The following TSNARE1 variants were observed in gnomAD, a reference collection of about 807,000 sequenced individuals.
TSNARE1 encodes t-SNARE domain containing 1, also known as t-SNARE domain-containing protein 1.
In TSNARE1, 49 loss-of-function variants were observed where a neutral mutation model predicts 62.0. The ratio of observed to expected loss-of-function variants is 0.79; its 90% CI spans 0.63 to 1.00. The LOEUF (loss-of-function observed/expected upper bound fraction) is 1.00. TSNARE1 is among the 50% of genes least tolerant of loss of function. The probability of loss-of-function intolerance (pLI) is 0.00; values close to 1 mark genes in which losing one functional copy is unlikely to be tolerated. For synonymous variants in TSNARE1, 328 were observed against 294.4 expected (o/e 1.11, Z -1.17); for missense variants, 755 against 700.1 (o/e 1.08, Z -0.88).
chr8:142,256,073 TCACCACCAC>T (rs753492642), intron 12 of TSNARE1, among the ~76,000 whole-genome samples: 22 of 54,654 alleles, frequency 4.0e-4, no homozygotes, highest in Non-Finnish European at 6.6e-4. Context: ...ACCATCACCA[TCACCACCAC>T]CACCACCACT....
intron 6 of TSNARE1, among the ~76,000 whole-genome samples, chr8:142,324,775 C>A (rs1292285406): frequency 6.6e-6 from 1 of 152,216 alleles, no homozygotes; most frequent in African/African-American, 2.4e-5. Context: ...AGCCTCCATG[C>A]CAGCTTCCAG....
At chr8:142,254,458 T>C (rs73716179) in intron 12 of TSNARE1, among the ~76,000 whole-genome samples, 1,701 of 152,272 alleles carry the variant, frequency 0.011, 28 homozygotes, top group African/African-American at 0.039. Context: ...CTTCCTGAGT[T>C]CCCAGAAAGC....
chr8:142,377,316 T>C (rs998495342), intron 1 of TSNARE1, among the ~76,000 whole-genome samples: 4 of 151,684 alleles, frequency 2.6e-5, no homozygotes, highest in Non-Finnish European at 5.9e-5. Flanking sequence ...AAAGCAACGT[T>C]ATCCACACAC....
At chr8:142,361,154 C>T (rs1358416592) in intron 1 of TSNARE1, among the ~76,000 whole-genome samples, 1 of 152,266 alleles carries the variant, frequency 6.6e-6, no homozygotes, top group Non-Finnish European at 1.5e-5. Context: ...CCTCCCTCAC[C>T]TTCGGGCACG....
At chr8:142,243,083 G>T (rs188098287) in intron 12 of TSNARE1, among the ~76,000 whole-genome samples, 1 of 152,000 alleles carries the variant, frequency 6.6e-6, no homozygotes, top group Admixed American at 6.6e-5. Context: ...CTGTACACAT[G>T]CACATATACA....
chr8:142,219,272 C>T (rs907836438), intron 13 of TSNARE1, among the ~76,000 whole-genome samples: 10 of 151,774 alleles, frequency 6.6e-5, no homozygotes, highest in Admixed American at 2.6e-4. Flanking sequence ...GAGGGAGAGA[C>T]GAGGAAGGAG....
chr8:142,383,840 G>A (rs541054354), intron 1 of TSNARE1, among the ~76,000 whole-genome samples: 96 of 152,220 alleles, frequency 6.3e-4, no homozygotes, highest in African/African-American at 2.1e-3. Flanking sequence ...CCCCACCACT[G>A]CTACCAAATT....
At chr8:142,360,575 C>T (rs1476917275) in intron 1 of TSNARE1, among the ~76,000 whole-genome samples, 1 of 152,158 alleles carries the variant, frequency 6.6e-6, no homozygotes, top group Admixed American at 6.5e-5. Context: ...CCGTGCCCGC[C>T]GAGGCCAGCC....
chr8:142,315,648 C>T (rs536587474), intron 7 of TSNARE1, among the ~76,000 whole-genome samples: 10 of 152,090 alleles, frequency 6.6e-5, no homozygotes, highest in South Asian at 2.1e-4. Flanking sequence ...CGCACGGAGC[C>T]GGGGTGGGGC....
intron 6 of TSNARE1, among the ~76,000 whole-genome samples, chr8:142,330,468 A>T: frequency 6.6e-6 from 1 of 152,218 alleles, no homozygotes; most frequent in Admixed American, 6.5e-5. Flanking sequence ...GCCCCACTCC[A>T]ACCTAGCCCA....
rs1202610236 is a variant in TSNARE1, at chr8:142,283,953, G to C, written c.1363+460C>G. Among the ~76,000 whole-genome samples the C allele has an allele frequency of 1.4e-5, 2 of 139,502 alleles. 1 individual carries two copies. Among genetic ancestry groups the C allele is most frequent in the Non-Finnish European group, 3.2e-5 (2 of 61,878 alleles). 91.5% of individuals were successfully genotyped at this position (139,502 alleles called of 152,430 possible). On this transcript the variant is annotated intron_variant, in intron 11 of 13. Transcript: ENST00000524325. ...GGGACCAGGTTCTGTCAATGAGCAG[G>C]GTGGGGGCCAGTGTCTGTCAAAGAG...
chr8:142,300,737 T>C (rs1825593482), intron 9 of TSNARE1, 93 bp from the exon 10 acceptor site: 1 of 1,475,020 alleles, frequency 6.8e-7, no homozygotes, highest in African/African-American at 1.4e-5. Context: ...GCTTTTCCCT[T>C]CACTATCCCC....
chr8:142,388,898 A>G (rs545183248), intron 1 of TSNARE1, among the ~76,000 whole-genome samples: 19 of 152,300 alleles, frequency 1.2e-4, no homozygotes, highest in Admixed American at 1.2e-3. Flanking sequence ...TTAGAATGCA[A>G]TAGTATTCAC....
At chr8:142,257,114 G>T (rs1427475055) in intron 12 of TSNARE1, among the ~76,000 whole-genome samples, 1 of 152,180 alleles carries the variant, frequency 6.6e-6, no homozygotes, top group Admixed American at 6.5e-5. Context: ...ACCCTGACGT[G>T]GGGCGGTGTC....
intron 4 of TSNARE1, among the ~76,000 whole-genome samples, chr8:142,335,211 T>C (rs1831581915): frequency 1.3e-5 from 2 of 151,760 alleles, no homozygotes; most frequent in African/African-American, 4.8e-5. Flanking sequence ...CGAGGCGGGG[T>C]CATCAGATGT....
intron 6 of TSNARE1, among the ~76,000 whole-genome samples, chr8:142,321,830 T>C (rs1829526151): frequency 6.6e-6 from 1 of 152,080 alleles, no homozygotes; most frequent in African/African-American, 2.4e-5. Context: ...TTGCTGCAAA[T>C]ACACAGGCAC....
At chr8:142,376,169 G>A (rs1419204956) in intron 1 of TSNARE1, among the ~76,000 whole-genome samples, 1 of 152,192 alleles carries the variant, frequency 6.6e-6, no homozygotes, top group Admixed American at 6.5e-5. Context: ...AAGTGCAGGA[G>A]CAATTTGCAC....
At position 142,315,112 on chromosome 8, in the gene TSNARE1, G is replaced by A. The variant is rs373027548; in HGVS notation, c.985-20C>T. ...CTCCTGCTGCAGAGAAGGTACAGCT[G>A]GCACGGCATGGGAGGCTTGGCCCTG... On this transcript the variant is annotated intron_variant, in intron 7 of 13. Coordinates refer to ENST00000524325, the MANE Select transcript of TSNARE1 (RefSeq NM_145003.5). The A allele has an allele frequency of 1.2e-6, 2 of 1,613,648 alleles. No homozygotes were observed. The highest frequency in any genetic ancestry group is 1.7e-6 in the Non-Finnish European group (2 of 1,179,766).
At chr8:142,239,196 A>T (rs4436250) in intron 12 of TSNARE1, among the ~76,000 whole-genome samples, 36,896 of 152,112 alleles carry the variant, frequency 0.24, 5,757 homozygotes, top group African/African-American at 0.44. Flanking sequence ...TCAAGGTCCC[A>T]CTGAGCCTCC....
Sources: allele counts gnomAD v4.1 joint callset (sites outside exome capture counted in the v4.1 genomes callset), GRCh38; gene constraint gnomAD v4.1.1; transcripts MANE v1.5; gene names NCBI Gene and HGNC (gene_info 2026-07-23, HGNC 2026-07-21).